ST6GALNAC3: variants seen among roughly 807,000 people sequenced by gnomAD.
The protein encoded by ST6GALNAC3 is ST6 N-acetylgalactosaminide alpha-2,6-sialyltransferase 3.
In ST6GALNAC3, 25 loss-of-function variants were observed where a neutral mutation model predicts 32.7. The observed-to-expected ratio is 0.76, with a 90% CI of 0.56 to 1.07. ST6GALNAC3 has a LOEUF of 1.07. ST6GALNAC3 is among the 50% of genes least tolerant of loss of function. The probability of loss-of-function intolerance (pLI) is 0.00; values close to 1 mark genes in which losing one functional copy is unlikely to be tolerated. For missense variants in ST6GALNAC3, 355 were observed against 382.4 expected (o/e 0.93, Z 0.60); for synonymous variants, 129 against 133.1 (o/e 0.97, Z 0.21).
chr1:76,461,860 G>A (rs1439982173), intron 3 of ST6GALNAC3, among the ~76,000 whole-genome samples: 2 of 152,138 alleles, frequency 1.3e-5, no homozygotes, highest in Non-Finnish European at 2.9e-5. Context: ...TGGGGCTTAA[G>A]TAGTTGTTTG....
At chr1:76,219,681 C>G (rs560935256) in intron 1 of ST6GALNAC3, among the ~76,000 whole-genome samples, 10 of 152,240 alleles carry the variant, frequency 6.6e-5, no homozygotes, top group Middle Eastern at 3.4e-3. Flanking sequence ...GCATGAGGCC[C>G]CTTGGGACTG....
At chr1:76,130,407 G>A (rs1283412023) in intron 1 of ST6GALNAC3, among the ~76,000 whole-genome samples, 2 of 152,176 alleles carry the variant, frequency 1.3e-5, no homozygotes, top group Non-Finnish European at 2.9e-5. Context: ...GGGTGGCTGT[G>A]GGGGCACAGT....
At chr1:76,241,646 G>T (rs1224670565) in intron 1 of ST6GALNAC3, among the ~76,000 whole-genome samples, 1 of 152,170 alleles carries the variant, frequency 6.6e-6, no homozygotes, top group Admixed American at 6.5e-5. Context: ...CTGAAATGTG[G>T]ATAGTCTGAA....
intron 3 of ST6GALNAC3, among the ~76,000 whole-genome samples, chr1:76,613,292 A>G (rs1295050777): frequency 6.6e-6 from 1 of 152,198 alleles, no homozygotes; most frequent in Non-Finnish European, 1.5e-5. Flanking sequence ...TAAATTACAG[A>G]AACACTTCTT....
At chr1:76,224,774 C>A (rs1655974287) in intron 1 of ST6GALNAC3, among the ~76,000 whole-genome samples, 1 of 152,114 alleles carries the variant, frequency 6.6e-6, no homozygotes, top group Non-Finnish European at 1.5e-5. Context: ...GGTAAGGTAG[C>A]CTTTGTCTTG....
intron 3 of ST6GALNAC3, chr1:76,577,406 C>A (rs1053293821): frequency 2.5e-6 from 2 of 804,846 alleles, no homozygotes; most frequent in African/African-American, 1.9e-5. Context: ...TGAAAACGAG[C>A]CCTGATAGTA....
At chr1:76,471,645 G>A (rs1023792164) in intron 3 of ST6GALNAC3, among the ~76,000 whole-genome samples, 2 of 152,028 alleles carry the variant, frequency 1.3e-5, no homozygotes, top group Admixed American at 1.3e-4. Context: ...CACATAGTAT[G>A]GTGACATATA....
chr1:76,113,060 G>A (rs1184980466), intron 1 of ST6GALNAC3, among the ~76,000 whole-genome samples: 3 of 152,194 alleles, frequency 2.0e-5, no homozygotes, highest in African/African-American at 4.8e-5. Context: ...TGAGCACTGA[G>A]TGAACACAAC....
At chr1:76,254,317 A>G (rs1218128843) in intron 1 of ST6GALNAC3, among the ~76,000 whole-genome samples, 1 of 152,092 alleles carries the variant, frequency 6.6e-6, no homozygotes, top group Non-Finnish European at 1.5e-5. Flanking sequence ...GCAATTAAGG[A>G]AGCTGCTGTG....
intron 2 of ST6GALNAC3, among the ~76,000 whole-genome samples, chr1:76,403,850 C>A (rs112116518): frequency 0.051 from 7,745 of 151,906 alleles, 226 homozygotes; most frequent in African/African-American, 0.07. Flanking sequence ...TTACTGTGAC[C>A]TAATAGTAAT....
chr1:76,109,386 C>T (rs774246290), intron 1 of ST6GALNAC3, among the ~76,000 whole-genome samples: 9 of 152,124 alleles, frequency 5.9e-5, no homozygotes, highest in Admixed American at 6.5e-5. Flanking sequence ...GGCATGAAAC[C>T]GAAGGGCTGC....
chr1:76,245,397 T>A (rs1204767997), intron 1 of ST6GALNAC3, among the ~76,000 whole-genome samples: 1 of 152,126 alleles, frequency 6.6e-6, no homozygotes. Flanking sequence ...ATTCATTGAT[T>A]TTTTTGAAGG....
chr1:76,391,547 C>A (rs1185692886), intron 2 of ST6GALNAC3, among the ~76,000 whole-genome samples: 1 of 150,236 alleles, frequency 6.7e-6, no homozygotes, highest in Non-Finnish European at 1.5e-5. Context: ...TTCCTTCCTT[C>A]CTTCCTTCCT....
intron 2 of ST6GALNAC3, among the ~76,000 whole-genome samples, chr1:76,369,323 C>A (rs570600117): frequency 1.3e-5 from 2 of 152,226 alleles, no homozygotes; most frequent in South Asian, 2.1e-4. Flanking sequence ...AAGCTGGTAC[C>A]TTGACTACTC....
At chr1:76,444,155 G>A (rs1347589378) in intron 3 of ST6GALNAC3, among the ~76,000 whole-genome samples, 2 of 152,212 alleles carry the variant, frequency 1.3e-5, no homozygotes, top group African/African-American at 4.8e-5. Context: ...CTCCCAGTGA[G>A]AAAACTGATA....
intron 1 of ST6GALNAC3, among the ~76,000 whole-genome samples, chr1:76,160,515 A>G (rs1420867429): frequency 1.3e-5 from 2 of 152,170 alleles, no homozygotes; most frequent in Non-Finnish European, 2.9e-5. Context: ...CAGAGTGAAG[A>G]AAGAGGTGTC....
chr1:76,364,205 G>C (rs1036112323), intron 2 of ST6GALNAC3, among the ~76,000 whole-genome samples: 1 of 152,186 alleles, frequency 6.6e-6, no homozygotes, highest in Non-Finnish European at 1.5e-5. Flanking sequence ...TCTCCTGAAG[G>C]ACCAAGGAGG....
intron 3 of ST6GALNAC3, among the ~76,000 whole-genome samples, chr1:76,527,960 A>C (rs1663017676): frequency 6.6e-6 from 1 of 152,164 alleles, no homozygotes; most frequent in African/African-American, 2.4e-5. Flanking sequence ...CAGGGTCAAC[A>C]TTACATATTA....
At chr1:76,249,515 T>A (rs1298217199) in intron 1 of ST6GALNAC3, among the ~76,000 whole-genome samples, 3 of 152,156 alleles carry the variant, frequency 2.0e-5, no homozygotes. Flanking sequence ...AGTTACCATA[T>A]CTTTTTTTTC....
Sources: allele counts gnomAD v4.1 joint callset (sites outside exome capture counted in the v4.1 genomes callset), GRCh38; gene constraint gnomAD v4.1.1; transcripts MANE v1.5; gene names NCBI Gene and HGNC (gene_info 2026-07-23, HGNC 2026-07-21).